FAF1: variants seen among roughly 807,000 people sequenced by gnomAD.
The protein encoded by FAF1 is Fas associated factor 1.
FAF1 carries 25 observed loss-of-function variants against 92.5 expected under a neutral mutation model. The ratio of observed to expected loss-of-function variants is 0.27; its 90% CI spans 0.20 to 0.38. The LOEUF (loss-of-function observed/expected upper bound fraction) is 0.38. FAF1 is among the 10% of genes least tolerant of loss of function. FAF1 has a pLI of 1.00. For synonymous variants in FAF1, 234 were observed against 273.2 expected (o/e 0.86, Z 1.42); for missense variants, 636 against 793.3 (o/e 0.80, Z 2.38).
chr1:50,550,183 T>C (rs1034741220), intron 13 of FAF1, among the ~76,000 whole-genome samples: 2 of 151,538 alleles, frequency 1.3e-5, no homozygotes, highest in African/African-American at 2.4e-5. Flanking sequence ...AACCCCTCTC[T>C]ACTAAAAATA....
chr1:50,683,996 T>C lies in FAF1; in HGVS notation c.657+21790A>G, dbSNP rs574640175. Among the ~76,000 whole-genome samples the C allele has an allele frequency of 2.2e-4, 33 of 152,254 alleles. No homozygotes were observed. The South Asian group carries it at 2.7e-3, about 12-fold the overall frequency. On this transcript the variant is annotated intron_variant, in intron 7 of 18. Transcript: ENST00000396153. ...TTACATTTTTTATTTGTTGGTATTA[T>C]AGCATCTATGACTAGGAAAAATTAA...
intron 13 of FAF1, among the ~76,000 whole-genome samples, chr1:50,544,141 C>T (rs562002290): frequency 5.3e-5 from 8 of 152,074 alleles, no homozygotes; most frequent in Non-Finnish European, 1.0e-4. Flanking sequence ...AAGGTTGCAC[C>T]TCCCAACATT....
chr1:50,558,202 ATATCTTATTTTTAGAATAAGATATT>A (rs66503743), intron 13 of FAF1, among the ~76,000 whole-genome samples: 20,922 of 151,024 alleles, frequency 0.14, 2,498 homozygotes, highest in African/African-American at 0.33. Flanking sequence ...TCCAGCCTAA[ATATCTTATTTTTAGAATAAGATATT>A]TATCTTATTT....
chr1:50,751,494 C>G (rs897343376), intron 4 of FAF1, among the ~76,000 whole-genome samples: 4 of 152,034 alleles, frequency 2.6e-5, no homozygotes, highest in African/African-American at 9.7e-5. Context: ...CAGGCACGTG[C>G]CACCACGCCT....
At chr1:50,915,196 T>A (rs1379695040) in intron 1 of FAF1, among the ~76,000 whole-genome samples, 2 of 151,846 alleles carry the variant, frequency 1.3e-5, no homozygotes, top group African/African-American at 4.8e-5. Flanking sequence ...CATGGAGAAA[T>A]CCTGTCTCTA....
At chr1:50,904,075 C>T (rs952573583) in intron 1 of FAF1, among the ~76,000 whole-genome samples, 2 of 152,080 alleles carry the variant, frequency 1.3e-5, no homozygotes, top group African/African-American at 2.4e-5. Context: ...TGTATATCAA[C>T]GTTCATAGCA....
rs139298043 is a variant in FAF1 at position 50,765,772 on chromosome 1, A to G, written c.368-20997T>C. On this transcript the variant is annotated intron_variant, in intron 4 of 18. Transcript: ENST00000396153. ...TTAATACTGCCTGTTACCACTTTGTAAAATTTAAAATATCAACATTAAAAA... is the reference window on the plus strand; with the variant it reads ...TTAATACTGCCTGTTACCACTTTGTGAAATTTAAAATATCAACATTAAAAA... 5.5e-3 allele frequency among the ~76,000 whole-genome samples: 843 copies of G among 152,324 alleles called. 3 individuals carry two copies. Among genetic ancestry groups the G allele is most frequent in the Middle Eastern group, 0.024 (7 of 294 alleles).
At chr1:50,689,528 G>A (rs1207351609) in intron 7 of FAF1, among the ~76,000 whole-genome samples, 1 of 152,210 alleles carries the variant, frequency 6.6e-6, no homozygotes, top group African/African-American at 2.4e-5. Flanking sequence ...AGGTTGCAGT[G>A]AGCCGAGATT....
chr1:50,514,949 C>T (rs1040715768), intron 15 of FAF1, among the ~76,000 whole-genome samples: 1 of 152,176 alleles, frequency 6.6e-6, no homozygotes, highest in Admixed American at 6.5e-5. Context: ...TAGATCCGGT[C>T]ATCACTAACT....
intron 8 of FAF1, among the ~76,000 whole-genome samples, chr1:50,604,633 G>GTGTGGGTTTGATGCTGT (rs1652293537): frequency 6.6e-6 from 1 of 152,114 alleles, no homozygotes; most frequent in Non-Finnish European, 1.5e-5. Context: ...TCAGCCTCCT[G>GTGTGGGTTTGATGCTGT]TGTGGCTGAG....
At position 50,440,307 on chromosome 1, in the gene FAF1, A is replaced by G. The variant is rs1222539440; in HGVS notation, c.*1133T>C. The G allele has an allele frequency of 2.0e-5, 3 of 152,202 alleles. No homozygotes were observed. The highest frequency in any genetic ancestry group is 6.5e-5 in the Admixed American group (1 of 15,282). The allele number at this position is 152,202 out of a possible 1,614,324, so 9.4% of individuals were successfully genotyped here. ...AATCCACACTTACTAAATCAAATCA[A>G]AAATTATTATATGCAGGTTTCAGGC... On this transcript the variant is annotated 3_prime_UTR_variant, in exon 19 of 19. Coordinates refer to ENST00000396153, the MANE Select transcript of FAF1 (RefSeq NM_007051.3).
chr1:50,765,872 C>A (rs968855364), intron 4 of FAF1, among the ~76,000 whole-genome samples: 1 of 152,158 alleles, frequency 6.6e-6, no homozygotes, highest in East Asian at 1.9e-4. Context: ...AGGTGGATGA[C>A]CTGAGGTCAG....
At chr1:50,824,821 T>C (rs1475244384) in intron 2 of FAF1, among the ~76,000 whole-genome samples, 1 of 152,044 alleles carries the variant, frequency 6.6e-6, no homozygotes. Flanking sequence ...ATGAAGAACA[T>C]TATATTAAGT....
At chr1:50,770,456 C>T (rs1660739256) in intron 4 of FAF1, among the ~76,000 whole-genome samples, 1 of 152,202 alleles carries the variant, frequency 6.6e-6, no homozygotes, top group African/African-American at 2.4e-5. Context: ...TTTCTACATA[C>T]CTACAATGTC....
At chr1:50,562,735 T>C (rs1373809960) in intron 13 of FAF1, among the ~76,000 whole-genome samples, 1 of 152,222 alleles carries the variant, frequency 6.6e-6, no homozygotes, top group East Asian at 1.9e-4. Flanking sequence ...GGGTTAGGAT[T>C]GTGTCTTGTT....
rs546011033 is a variant in FAF1, at chr1:50,650,826, C to T, written c.744+4616G>A. ...TGTTAAAGTGTAAAATGAGATTTTG[C>T]CTACTTGTAACTCCTTGTTCTCACA... is the stretch of plus-strand genomic sequence containing the variant. On this transcript the variant is annotated intron_variant, in intron 8 of 18. Transcript: ENST00000396153. Among the ~76,000 whole-genome samples, 11 of 152,240 alleles carry T rather than the reference C, an allele frequency of 7.2e-5. No individual in the cohort carries two copies. In the South Asian group the frequency reaches 1.9e-3, roughly 26 times the overall value.
At chr1:50,911,589 C>T (rs184437429) in intron 1 of FAF1, among the ~76,000 whole-genome samples, 7 of 151,878 alleles carry the variant, frequency 4.6e-5, no homozygotes, top group Admixed American at 2.0e-4. Context: ...CTCAGCTACT[C>T]GGGAGGCTGA....
intron 7 of FAF1, among the ~76,000 whole-genome samples, chr1:50,673,256 CAAAAAAAAAAAAG>C (rs1655977675): frequency 8.4e-6 from 1 of 118,458 alleles, no homozygotes; most frequent in Non-Finnish European, 1.8e-5. Context: ...GACTCTGTCT[CAAAAAAAAAAAAG>C]AAAAGAAAAA....
chr1:50,754,127 G>A (rs1659982942), intron 4 of FAF1, among the ~76,000 whole-genome samples: 1 of 151,994 alleles, frequency 6.6e-6, no homozygotes, highest in African/African-American at 2.4e-5. Context: ...CTCATTATGG[G>A]CCAGGTTTTT....
Sources: gnomAD v4.1 joint callset for allele counts (sites outside exome capture counted in the v4.1 genomes callset) on GRCh38, gnomAD v4.1.1 for gene constraint, MANE v1.5 for transcripts, NCBI Gene and HGNC (gene_info 2026-07-23, HGNC 2026-07-21) for gene names.